Variants in UNK observed in about 807,000 individuals in gnomAD.
UNK encodes unk zinc finger, also known as RING finger protein unkempt homolog.
UNK carries 32 observed loss-of-function variants against 97.6 expected under a neutral mutation model. The ratio of observed to expected loss-of-function variants is 0.33; its 90% CI spans 0.25 to 0.44. UNK has a LOEUF of 0.44. Among genes scored for constraint, UNK ranks in the 20% least tolerant of loss-of-function variants. The probability of loss-of-function intolerance (pLI) is 1.00; values close to 1 mark genes in which losing one functional copy is unlikely to be tolerated. For synonymous variants in UNK, 441 were observed against 461.2 expected (o/e 0.96, Z 0.56); for missense variants, 771 against 1,098.4 (o/e 0.70, Z 4.21).
chr17:75,792,454 T>A (rs2061770879), intron 1 of UNK: 4 of 985,462 alleles, frequency 4.1e-6, no homozygotes, highest in Non-Finnish European at 4.8e-6. Context: ...TCACACTAAT[T>A]GTTATGTGAA....
At position 75,817,526 on chromosome 17, in the gene UNK, G is replaced by C. The variant is rs2062028556; in HGVS notation, c.1305G>C (p.Gln435His). Reference protein sequence around the residue: ...GAEYLKNFKCQAKLKPHSLEP... With the variant: ...GAEYLKNFKCHAKLKPHSLEP... ...AGTACCTGAAAAATTTCAAATGCCA[G>C]GTAAGGGATGAGGGAGGCAGCAGTG... Residue 435 changes from glutamine to histidine, a missense_variant and splice_region_variant, in exon 9 of 16, where the codon CAG becomes CAC. This residue lies in a region of UNK where 192 missense variants were observed against 202.4 expected (regional missense o/e 0.95). Coordinates refer to ENST00000589666, the MANE Select transcript of UNK (RefSeq NM_001080419.3). The surrounding 1 kb of genome is among the most constrained non-coding windows in gnomAD (Gnocchi z 5.8). 1.2e-6 allele frequency: 2 copies of C among 1,604,754 alleles called. No individual in the cohort carries two copies. The highest frequency in any genetic ancestry group is 1.7e-5 in the Admixed American group (1 of 59,156).
Position 75,817,970 on chromosome 17 carries a change from G to A in UNK, c.1306-133G>A. On this transcript the variant is annotated intron_variant, in intron 9 of 15. Transcript: ENST00000589666. The surrounding 1 kb of genome is among the most constrained non-coding windows in gnomAD (Gnocchi z 5.8). ...GTAGGGGGTGGGGAGGAAGAAGGGG[G>A]TGTGTGCATGCATGTGAAGAGGGGT... The A allele has an allele frequency of 2.5e-6, 2 of 802,460 alleles. No individual in the cohort carries two copies. Among genetic ancestry groups the A allele is most frequent in the African/African-American group, 1.7e-5 (1 of 59,132 alleles). The allele number at this position is 802,460 out of a possible 1,614,324, so 49.7% of individuals were successfully genotyped here.
intron 15 of UNK, among the ~76,000 whole-genome samples, chr17:75,823,973 A>T (rs1182861285): frequency 1.3e-5 from 2 of 152,170 alleles, no homozygotes; most frequent in African/African-American, 4.8e-5. Context: ...GGCCCTGGGC[A>T]TGTCCCAGCC....
At chr17:75,812,073 A>C (rs902095543) in intron 2 of UNK, 39 bp from the exon 3 acceptor site, 13 of 1,549,074 alleles carry the variant, frequency 8.4e-6, no homozygotes, top group Non-Finnish European at 1.0e-5. Context: ...CCTAGGCTGC[A>C]GGCAGCAAAG....
chr17:75,797,568 A>G (rs137989814), intron 1 of UNK, among the ~76,000 whole-genome samples: 235 of 152,360 alleles, frequency 1.5e-3, no homozygotes, highest in African/African-American at 5.4e-3. Context: ...TTCAATTTTT[A>G]TAAGACTGGC....
rs368252447 is a variant in UNK, at chr17:75,818,061, C to T, written c.1306-42C>T. 25 of 1,607,044 alleles carry T rather than the reference C, an allele frequency of 1.6e-5. No homozygotes were observed. Among genetic ancestry groups the T allele is most frequent in the Non-Finnish European group, 2.0e-5 (24 of 1,175,070 alleles). On this transcript the variant is annotated intron_variant, in intron 9 of 15. Transcript: ENST00000589666. This position sits in a 1 kb window ranked among gnomAD's most constrained non-coding sequence, Gnocchi z 5.1. ...CAGGGTCAGATGGACTCAGGGACCC[C>T]CCAGCACCACATTCATCCACTCCCT...
chr17:75,814,358 G>A (rs142039661), intron 6 of UNK, among the ~76,000 whole-genome samples: 4 of 152,130 alleles, frequency 2.6e-5, no homozygotes, highest in Non-Finnish European at 5.9e-5. Flanking sequence ...CAGATTTGGT[G>A]GTGAGCGCCT....
chr17:75,819,641 A>G lies in UNK; in HGVS notation c.1547-43A>G, dbSNP rs2143817925. 1 of 1,584,400 alleles carries G rather than the reference A, an allele frequency of 6.3e-7. No homozygotes were observed. The highest frequency in any genetic ancestry group is 2.2e-5 in the East Asian group (1 of 44,746). ...CAGTAGACGAGGTGGTCAGGGTCAG[A>G]TAGTCCCTCGGGAGGTCACATCCCA... On this transcript the variant is annotated intron_variant, in intron 11 of 15. Coordinates refer to ENST00000589666, the MANE Select transcript of UNK (RefSeq NM_001080419.3). The surrounding 1 kb of genome is among the most constrained non-coding windows in gnomAD (Gnocchi z 5.4).
In UNK at chr17:75,824,283, G is replaced by A; in HGVS notation, c.2299G>A (p.Val767Met). ...VDKAVFHMQS[V>M]KCLKCQEQKR... Reference sequence around the variant, plus strand: ...GCAGGCCGTGTTCCACATGCAGTCGGTGAAATGCCTTAAGTGTCAGGAACA... The same window carrying A: ...GCAGGCCGTGTTCCACATGCAGTCGATGAAATGCCTTAAGTGTCAGGAACA... The change falls in exon 16 of 16, where the codon GTG (valine) becomes ATG (methionine). Residue 767 changes from valine to methionine, a missense_variant. Val to Met is a conservative substitution (Grantham distance 21). Around this residue, in one of 5 missense-constraint regions of UNK, gnomAD observed 208 missense variants for 257.4 expected, o/e 0.81. Coordinates refer to ENST00000589666, the MANE Select transcript of UNK (RefSeq NM_001080419.3). The surrounding 1 kb of genome is among the most constrained non-coding windows in gnomAD (Gnocchi z 4.9). 7 of 1,602,152 alleles carry A rather than the reference G, an allele frequency of 4.4e-6. No individual in the cohort carries two copies. Among genetic ancestry groups the A allele is most frequent in the Non-Finnish European group, 6.0e-6 (7 of 1,174,592 alleles).
At position 75,802,242 on chromosome 17, in the gene UNK, C is replaced by CTTT. The variant is rs56221993; in HGVS notation, c.105-7486_105-7484dup. ...TGATGGATTTTTTCAGCACAGATGT[C>CTTT]TTTTTTTTTTTTTTTTTTTTTTTTT... On this transcript the variant is annotated intron_variant, in intron 1 of 15. Transcript: ENST00000589666. Among the ~76,000 whole-genome samples, 251 of 47,256 alleles carry CTTT rather than the reference C, an allele frequency of 5.3e-3. 71 individuals carry two copies. In the East Asian group the frequency reaches 0.091, roughly 17 times the overall value. The allele number at this position is 47,256 out of a possible 152,430, so 31.0% of individuals were successfully genotyped here. A position where few individuals can be genotyped will look rare whatever the true frequency, so the allele number is the denominator to read the frequency against.
In UNK at chr17:75,802,349, CT is replaced by C. The variant is rs1199082827; in HGVS notation, c.105-7409del. Among the ~76,000 whole-genome samples, 9 of 130,814 alleles carry C rather than the reference CT, an allele frequency of 6.9e-5. No homozygotes were observed. In the Middle Eastern group the frequency reaches 0.023, roughly 338 times the overall value. 85.8% of individuals were successfully genotyped at this position (130,814 alleles called of 152,430 possible). A position where few individuals can be genotyped will look rare whatever the true frequency, so the allele number is the denominator to read the frequency against. On this transcript the variant is annotated intron_variant, in intron 1 of 15. Transcript: ENST00000589666. ...CCGTAGCTCACTGCAACCTCAAACT[CT>C]TGGGTTTAGTGATCCTTTCACTTCA...
At chr17:75,807,402 A>T (rs991214362) in intron 1 of UNK, among the ~76,000 whole-genome samples, 1 of 152,218 alleles carries the variant, frequency 6.6e-6, no homozygotes, top group Non-Finnish European at 1.5e-5. Flanking sequence ...TGTCTCTTAA[A>T]AACAAAACAG....
rs752382602 is a variant in UNK, at chr17:75,818,785, C to T, written c.1515C>T (p.Tyr505=). 65 of 1,610,752 alleles carry T rather than the reference C, an allele frequency of 4.0e-5. No individual in the cohort carries two copies. Among genetic ancestry groups the T allele is most frequent in the Non-Finnish European group, 5.5e-5 (65 of 1,178,346 alleles). Residue 505 remains tyrosine (Y), a synonymous_variant, in exon 11 of 16, where the codon TAC becomes TAT. Coordinates refer to ENST00000589666, the MANE Select transcript of UNK (RefSeq NM_001080419.3). The surrounding 1 kb of genome is among the most constrained non-coding windows in gnomAD (Gnocchi z 5.1). ...PGMNANALPF[Y]PTSDTVESVI... is the part of the protein sequence containing the mutation. ...TGAATGCAAACGCTCTGCCCTTCTACCCCACCAGCGACACGGTAGAGTCAG... is the reference window on the plus strand; with the variant it reads ...TGAATGCAAACGCTCTGCCCTTCTATCCCACCAGCGACACGGTAGAGTCAG...
Position 75,819,706 on chromosome 17 carries a change from C to G in UNK, c.1569C>G (p.Asp523Glu). 6.2e-7 allele frequency: 1 copy of G among 1,613,856 alleles called. No individual in the cohort carries two copies. Among genetic ancestry groups the G allele is most frequent in the Non-Finnish European group, 8.5e-7 (1 of 1,179,892 alleles). The stretch of plus-strand genomic sequence containing the variant: ...TAGAGTCTGCTTTGGATGACCTGGA[C>G]CTGAATGAGTTTGGCGTGGCCGCCC... ...SVIESALDDLDLNEFGVAALE... is the reference protein window; with the variant it reads ...SVIESALDDLELNEFGVAALE... The change falls in exon 12 of 16, where the codon GAC (aspartate) becomes GAG (glutamate). Residue 523 changes from aspartate to glutamate, a missense_variant. Coordinates refer to ENST00000589666, the MANE Select transcript of UNK (RefSeq NM_001080419.3). The surrounding 1 kb of genome is among the most constrained non-coding windows in gnomAD (Gnocchi z 5.4).
At chr17:75,796,482 C>T (rs2061807067) in intron 1 of UNK, among the ~76,000 whole-genome samples, 1 of 152,084 alleles carries the variant, frequency 6.6e-6, no homozygotes, top group Admixed American at 6.6e-5. Flanking sequence ...CCATACCCGA[C>T]TAATTTTTTA....
Position 75,793,657 on chromosome 17 carries a change from CTTCCTTA to C in UNK, c.104+8677_104+8683del, listed in dbSNP as rs142399937. On this transcript the variant is annotated intron_variant, in intron 1 of 15. Transcript: ENST00000589666. ...TGAACTTATTGAACTGTTTCCTCCC[CTTCCTTA>C]TTCTTTATTCACAGTTTGCTTTTCA... 9.6e-4 allele frequency: 946 copies of C among 985,428 alleles called. 8 individuals are homozygous for C. The African/African-American group carries it at 0.015, about 16-fold the overall frequency. The allele number at this position is 985,428 out of a possible 1,614,324, so 61.0% of individuals were successfully genotyped here.
chr17:75,800,105 A>G (rs972469154), intron 1 of UNK, among the ~76,000 whole-genome samples: 1 of 152,120 alleles, frequency 6.6e-6, no homozygotes, highest in Admixed American at 6.6e-5. Flanking sequence ...GTCTCAGTCT[A>G]TCCTCCTGGC....
intron 3 of UNK, 25 bp from the exon 4 acceptor site, chr17:75,812,430 T>A: frequency 6.2e-7 from 1 of 1,605,482 alleles, no homozygotes; most frequent in Non-Finnish European, 8.5e-7. Context: ...CTCTCCACCC[T>A]CTCTGTTCTT....
chr17:75,786,272 ATGAGT>A (rs1163791797), intron 1 of UNK, among the ~76,000 whole-genome samples: 2 of 152,178 alleles, frequency 1.3e-5, no homozygotes, highest in Non-Finnish European at 2.9e-5. Context: ...AAGACTACTG[ATGAGT>A]TGAATGGTGT....
Sources: allele counts gnomAD v4.1 joint callset (sites outside exome capture counted in the v4.1 genomes callset), GRCh38; gene constraint gnomAD v4.1.1; regional missense constraint gnomAD v4.1.1; non-coding constraint Gnocchi (gnomAD v3.1); transcripts MANE v1.5; gene names NCBI Gene and HGNC (gene_info 2026-07-23, HGNC 2026-07-21).